The following PIWIL1 variants were observed in gnomAD, a reference collection of about 807,000 sequenced individuals.
PIWIL1 encodes the protein piwi-like protein 1.
Under a neutral mutation model 114.4 loss-of-function variants are expected in PIWIL1, and 73 were observed. The ratio of observed to expected loss-of-function variants is 0.64; its 90% CI spans 0.53 to 0.78. The LOEUF is 0.78. Among genes scored for constraint, PIWIL1 ranks in the 30% least tolerant of loss-of-function variants. The pLI is 0.00. For missense variants in PIWIL1, 723 were observed against 1,063.1 expected, an observed-to-expected ratio of 0.68 and a Z score of 4.45; for synonymous variants, 375 against 369.0, an observed-to-expected ratio of 1.02 and a Z score of -0.19.
At chr12:130,422,312 C>T in the PIWIL1 span, 2 of 558,942 alleles carry the variant, frequency 3.6e-6, no homozygotes, top group East Asian at 2.8e-5. This position sits in a 1 kb window ranked among gnomAD's most constrained non-coding sequence, Gnocchi z 5.2. Flanking sequence ...TGTGCTGTTC[C>T]TGCCTTCTTT....
At chr12:130,421,489 T>C in the PIWIL1 span, among the ~76,000 whole-genome samples, 4 of 152,258 alleles carry the variant, frequency 2.6e-5, no homozygotes, top group Admixed American at 6.5e-5. Flanking sequence ...GAATCTGTTT[T>C]GCTTTATGAA....
the PIWIL1 span, among the ~76,000 whole-genome samples, chr12:130,380,518 A>G: frequency 4.6e-5 from 7 of 152,246 alleles, no homozygotes; most frequent in Non-Finnish European, 7.3e-5. Context: ...ACTCTGTGGA[A>G]TATCCCTTAT....
intron 2 of PIWIL1, 27 bp from the exon 3 acceptor site, chr12:130,342,963 A>G (rs759753577): frequency 1.3e-6 from 2 of 1,559,012 alleles, no homozygotes; most frequent in Non-Finnish European, 1.8e-6. Context: ...GACGAAAAGA[A>G]TGTTCTTTAT....
chr12:130,346,660 T>A, intron 5 of PIWIL1, 76 bp downstream of exon 5: 4 of 1,232,384 alleles, frequency 3.2e-6, no homozygotes, highest in Non-Finnish European at 4.7e-6. Flanking sequence ...CTCACATGGC[T>A]TTTAGAGAGG....
At position 130,354,518 on chromosome 12, in the gene PIWIL1, C is replaced by G. The variant is rs772381837; in HGVS notation, c.1045-19C>G. ...CGAGGCATTTGCCGTGAACAGCGACCCTTTCGTCTCTTGAGCAGCAATACA... is the reference window on the plus strand; with the variant it reads ...CGAGGCATTTGCCGTGAACAGCGACGCTTTCGTCTCTTGAGCAGCAATACA... On this transcript the variant is annotated intron_variant, in intron 9 of 20. Coordinates refer to ENST00000245255, the MANE Select transcript of PIWIL1 (RefSeq NM_004764.5). 2.4e-5 allele frequency: 38 copies of G among 1,613,818 alleles called. No individual in the cohort carries two copies. The highest frequency in any genetic ancestry group is 1.6e-4 in the Middle Eastern group (1 of 6,084).
chr12:130,374,847 C>G (rs2073854177), downstream of PIWIL1, among the ~76,000 whole-genome samples: 1 of 152,194 alleles, frequency 6.6e-6, no homozygotes, highest in Non-Finnish European at 1.5e-5. Context: ...TTCCTGTGTC[C>G]TCTGGAGCTC....
At chr12:130,348,011 A>G (rs778270090) in intron 6 of PIWIL1, 92 bp from the exon 7 acceptor site, 99 of 798,092 alleles carry the variant, frequency 1.2e-4, no homozygotes, top group Middle Eastern at 2.3e-4. Context: ...ACAGACCACA[A>G]TTTGCCAACC....
chr12:130,369,058 C>G (rs1406301819), intron 19 of PIWIL1, among the ~76,000 whole-genome samples: 1 of 152,152 alleles, frequency 6.6e-6, no homozygotes, highest in African/African-American at 2.4e-5. Flanking sequence ...CCTCCTTACC[C>G]CCCAACAGGC....
At chr12:130,419,064 CAG>C in the PIWIL1 span, among the ~76,000 whole-genome samples, 20 of 152,172 alleles carry the variant, frequency 1.3e-4, no homozygotes, top group Middle Eastern at 3.2e-3. The surrounding 1 kb of genome is among the most constrained non-coding windows in gnomAD (Gnocchi z 4.3). Flanking sequence ...TATGTTCTTC[CAG>C]AGAGGATGCA....
intron 2 of PIWIL1, 66 bp downstream of exon 2, chr12:130,342,735 AAAT>A: frequency 8.2e-7 from 1 of 1,223,882 alleles, no homozygotes; most frequent in Non-Finnish European, 1.2e-6. Flanking sequence ...AGGCTGTTGA[AAAT>A]AAACTAAAAA....
chr12:130,343,672 C>CTGGA (rs1324457015), intron 3 of PIWIL1, among the ~76,000 whole-genome samples: 1 of 136,596 alleles, frequency 7.3e-6, no homozygotes, highest in Non-Finnish European at 1.5e-5. Context: ...GTCTCCCAGG[C>CTGGA]TGGAGTGCAG....
the PIWIL1 span, among the ~76,000 whole-genome samples, chr12:130,400,498 A>G: frequency 6.6e-6 from 1 of 152,162 alleles, no homozygotes; most frequent in South Asian, 2.1e-4. Context: ...ATCTGCACCA[A>G]GTGGCTCACA....
chr12:130,348,673 C>A (rs1221171078), intron 7 of PIWIL1, among the ~76,000 whole-genome samples: 1 of 152,060 alleles, frequency 6.6e-6, no homozygotes, highest in Admixed American at 6.5e-5. Flanking sequence ...GAGTCCAAGG[C>A]GGGTGGATCA....
chr12:130,397,811 G>T, the PIWIL1 span: 2 of 286,472 alleles, frequency 7.0e-6, no homozygotes, highest in African/African-American at 4.3e-5. Flanking sequence ...GCTAAGGCAG[G>T]TAATAATTCA....
At chr12:130,399,546 G>T in the PIWIL1 span, 1 of 1,006,434 alleles carries the variant, frequency 9.9e-7, no homozygotes, top group Non-Finnish European at 1.5e-6. Flanking sequence ...CATGGCTTCA[G>T]GGCAGAGAAA....
At chr12:130,414,115 C>T in the PIWIL1 span, 1 of 1,613,970 alleles carries the variant, frequency 6.2e-7, no homozygotes, top group Non-Finnish European at 8.5e-7. Flanking sequence ...CGCAGGCAGC[C>T]ATCCCGCACC....
the PIWIL1 span, among the ~76,000 whole-genome samples, chr12:130,401,766 TC>T: frequency 6.6e-6 from 1 of 151,836 alleles, no homozygotes; most frequent in Non-Finnish European, 1.5e-5. Context: ...ACCAGTCAAG[TC>T]CCCCCTCATT....
chr12:130,389,502 A>C, the PIWIL1 span, among the ~76,000 whole-genome samples: 1 of 151,972 alleles, frequency 6.6e-6, no homozygotes, highest in East Asian at 1.9e-4. Context: ...TTTATTAATC[A>C]GTGTCATTAT....
the PIWIL1 span, among the ~76,000 whole-genome samples, chr12:130,391,939 C>T: frequency 4.8e-5 from 7 of 147,066 alleles, no homozygotes; most frequent in East Asian, 2.0e-4. Flanking sequence ...TGTGATGACC[C>T]GGTCACTGTC....
Sources: gnomAD v4.1 joint callset for allele counts (sites outside exome capture counted in the v4.1 genomes callset) on GRCh38, gnomAD v4.1.1 for gene constraint, Gnocchi (gnomAD v3.1) non-coding constraint, MANE v1.5 for transcripts, NCBI Gene and HGNC (gene_info 2026-07-23, HGNC 2026-07-21) for gene names.